Variants in ZCWPW2 observed in about 807,000 individuals in gnomAD.
ZCWPW2 encodes the protein zinc finger CW-type PWWP domain protein 2.
A neutral mutation model predicts 46.6 loss-of-function variants in ZCWPW2; 45 were observed. That is an observed-to-expected ratio of 0.96 (90% confidence interval 0.76 to 1.24). The LOEUF (loss-of-function observed/expected upper bound fraction) is 1.24. ZCWPW2 is among the 50% of genes most tolerant of loss of function. ZCWPW2 has a pLI of 0.00. For synonymous variants in ZCWPW2, 152 were observed against 137.1 expected (o/e 1.11, Z -0.76); for missense variants, 429 against 403.9 (o/e 1.06, Z -0.53).
intron 4 of ZCWPW2, among the ~76,000 whole-genome samples, chr3:28,474,527 T>A (rs1699154294): frequency 6.6e-6 from 1 of 151,936 alleles, no homozygotes; most frequent in Admixed American, 6.6e-5. Context: ...TGGATATACA[T>A]ACATCTGTTT....
intron 2 of ZCWPW2, among the ~76,000 whole-genome samples, chr3:28,402,627 T>A (rs531936549): frequency 7.9e-4 from 121 of 152,282 alleles, no homozygotes; most frequent in Non-Finnish European, 1.3e-3. Context: ...CCGATATTCG[T>A]GATGAACATA....
At position 28,459,940 on chromosome 3, in the gene ZCWPW2, G is replaced by C. The variant is rs1698563655; in HGVS notation, c.493-18874G>C. On this transcript the variant is annotated intron_variant, in intron 4 of 9. Coordinates refer to ENST00000383768, the MANE Select transcript of ZCWPW2 (RefSeq NM_001040432.4). Reference sequence around the variant, plus strand: ...TTAGTAAATATATGTTAAAGTCTAGGTGAATACAAAGCTTAATCTAGTACC... The same window carrying C: ...TTAGTAAATATATGTTAAAGTCTAGCTGAATACAAAGCTTAATCTAGTACC... Among the ~76,000 whole-genome samples, 4 of 152,054 alleles carry C rather than the reference G, an allele frequency of 2.6e-5. No individual in the cohort carries two copies. In the South Asian group the frequency reaches 8.3e-4, roughly 32 times the overall value.
intron 3 of ZCWPW2, among the ~76,000 whole-genome samples, chr3:28,434,185 C>T (rs1697389591): frequency 6.6e-6 from 1 of 151,678 alleles, no homozygotes; most frequent in African/African-American, 2.4e-5. Context: ...CATGATAAAC[C>T]AAATAAAATG....
chr3:28,458,174 G>A (rs1171921139), intron 4 of ZCWPW2, among the ~76,000 whole-genome samples: 1 of 152,140 alleles, frequency 6.6e-6, no homozygotes, highest in Non-Finnish European at 1.5e-5. Flanking sequence ...TAGGTTGTCT[G>A]TTATGAATTA....
Position 28,390,539 on chromosome 3 carries a change from C to G in ZCWPW2, c.-92C>G, listed in dbSNP as rs141367819. On this transcript the variant is annotated 5_prime_UTR_variant, in exon 2 of 10. Transcript: ENST00000383768. ...CGCCTGCCTCTTTAGTGACTACAGACCTCACTTCCCTTCTCTGGAGTTTTG... is the reference window on the plus strand; with the variant it reads ...CGCCTGCCTCTTTAGTGACTACAGAGCTCACTTCCCTTCTCTGGAGTTTTG... 3.1e-4 allele frequency: 310 copies of G among 985,278 alleles called. 1 individual carries two copies. The African/African-American group carries it at 4.7e-3, about 15-fold the overall frequency. The allele number at this position is 985,278 out of a possible 1,614,324, so 61.0% of individuals were successfully genotyped here.
intron 2 of ZCWPW2, among the ~76,000 whole-genome samples, chr3:28,395,514 C>G (rs963302573): frequency 7.2e-5 from 11 of 152,072 alleles, no homozygotes; most frequent in African/African-American, 2.7e-4. Flanking sequence ...AACTAATGTC[C>G]ATCAACAGAC....
intron 4 of ZCWPW2, among the ~76,000 whole-genome samples, chr3:28,459,371 A>G (rs1285872866): frequency 6.6e-6 from 1 of 151,654 alleles, no homozygotes; most frequent in Non-Finnish European, 1.5e-5. Flanking sequence ...CTCTGTCTCC[A>G]AAGAAAAAAA....
intron 1 of ZCWPW2, among the ~76,000 whole-genome samples, chr3:28,377,542 T>G (rs1705541988): frequency 6.6e-6 from 1 of 152,058 alleles, no homozygotes; most frequent in Non-Finnish European, 1.5e-5. Context: ...TTTTTCACAT[T>G]AGGGCAACAA....
At chr3:28,473,963 A>C (rs1699132626) in intron 4 of ZCWPW2, among the ~76,000 whole-genome samples, 1 of 152,216 alleles carries the variant, frequency 6.6e-6, no homozygotes, top group Non-Finnish European at 1.5e-5. Context: ...TTTCTAGCAC[A>C]AAAGGGTGAC....
At chr3:28,431,660 A>G (rs1356825386) in intron 3 of ZCWPW2, among the ~76,000 whole-genome samples, 1 of 152,180 alleles carries the variant, frequency 6.6e-6, no homozygotes, top group African/African-American at 2.4e-5. Context: ...TCAGCCCATA[A>G]TGATGTCACT....
chr3:28,434,107 C>T (rs1163514223), intron 3 of ZCWPW2, among the ~76,000 whole-genome samples: 1 of 152,008 alleles, frequency 6.6e-6, no homozygotes, highest in Admixed American at 6.6e-5. Flanking sequence ...CATTCACAAT[C>T]AGGAATTTTT....
chr3:28,498,610 A>G (rs1342944920), intron 6 of ZCWPW2, among the ~76,000 whole-genome samples: 5 of 151,976 alleles, frequency 3.3e-5, no homozygotes, highest in East Asian at 1.9e-4. Flanking sequence ...CAGACTTACA[A>G]TAGTATCATA....
At chr3:28,439,574 C>T (rs1697662932) in intron 4 of ZCWPW2, among the ~76,000 whole-genome samples, 1 of 152,158 alleles carries the variant, frequency 6.6e-6, no homozygotes, top group Non-Finnish European at 1.5e-5. Context: ...CCCTTGGCAA[C>T]TGGAACCTAT....
chr3:28,357,383 T>C (rs906955433), intron 1 of ZCWPW2, among the ~76,000 whole-genome samples: 2 of 152,212 alleles, frequency 1.3e-5, no homozygotes, highest in Non-Finnish European at 2.9e-5. Flanking sequence ...ATGTGTCAAC[T>C]TGAATGTGTG....
intron 4 of ZCWPW2, among the ~76,000 whole-genome samples, chr3:28,464,024 T>C (rs767050197): frequency 1.3e-5 from 2 of 152,022 alleles, no homozygotes; most frequent in Admixed American, 6.6e-5. Context: ...GAAATTTTGG[T>C]ATATTGTGGC....
chr3:28,431,270 A>T (rs1313400853), intron 3 of ZCWPW2, among the ~76,000 whole-genome samples: 1 of 152,130 alleles, frequency 6.6e-6, no homozygotes, highest in Non-Finnish European at 1.5e-5. Context: ...TCTTATATAT[A>T]TATGATTGTA....
chr3:28,501,992 G>C (rs1388920581), intron 6 of ZCWPW2, among the ~76,000 whole-genome samples: 3 of 151,836 alleles, frequency 2.0e-5, no homozygotes, highest in Non-Finnish European at 2.9e-5. Flanking sequence ...CGTAGTGCTG[G>C]GATTACAGGC....
At position 28,417,684 on chromosome 3, in the gene ZCWPW2, A is replaced by G. The variant is rs553647259; in HGVS notation, c.332+4284A>G. On this transcript the variant is annotated intron_variant, in intron 3 of 9. Transcript: ENST00000383768. ...TATCCACCATGATCAAGTGGGCTTC[A>G]TCCCTGGGATGCAAGGCTGGTTCAA... is the stretch of plus-strand genomic sequence containing the variant. 3.8e-3 allele frequency among the ~76,000 whole-genome samples: 474 copies of G among 124,486 alleles called. 5 individuals are homozygous for G. The highest frequency in any genetic ancestry group is 0.014 in the African/African-American group (451 of 31,640). 81.7% of individuals were successfully genotyped at this position (124,486 alleles called of 152,430 possible).
chr3:28,413,932 T>C lies in ZCWPW2; in HGVS notation c.332+532T>C, dbSNP rs558608916. On this transcript the variant is annotated intron_variant, in intron 3 of 9. Transcript: ENST00000383768. The stretch of plus-strand genomic sequence containing the variant: ...ATGTATTCTATAATTGTTGCCTAGA[T>C]ACCTAAAATATTTTTTTCTTTAGAT... Among the ~76,000 whole-genome samples the C allele has an allele frequency of 3.9e-5, 6 of 152,222 alleles. No homozygotes were observed. The South Asian group carries it at 1.2e-3, about 32-fold the overall frequency.
Sources: gnomAD v4.1 joint callset for allele counts (sites outside exome capture counted in the v4.1 genomes callset) on GRCh38, gnomAD v4.1.1 for gene constraint, MANE v1.5 for transcripts, NCBI Gene and HGNC (gene_info 2026-07-23, HGNC 2026-07-21) for gene names.